FIG4: variants seen among roughly 807,000 people sequenced by gnomAD.
FIG4 encodes the protein polyphosphoinositide phosphatase.
FIG4 carries 112 observed loss-of-function variants against 118.6 expected under a neutral mutation model. The ratio of observed to expected loss-of-function variants is 0.94; its 90% CI spans 0.81 to 1.11. FIG4 has a LOEUF of 1.11. FIG4 is among the 50% of genes least tolerant of loss of function. The pLI, the probability that FIG4 is intolerant of heterozygous loss-of-function variation, is 0.00. For missense variants in FIG4, 969 were observed against 1,111.7 expected (o/e 0.87, Z 1.83); for synonymous variants, 369 against 381.2 (o/e 0.97, Z 0.37).
intron 1 of FIG4, among the ~76,000 whole-genome samples, chr6:109,692,319 T>G (rs969052963): frequency 2.6e-5 from 4 of 152,236 alleles, no homozygotes; most frequent in Non-Finnish European, 5.9e-5. Flanking sequence ...GCTAACAAGA[T>G]TGCATATGCC....
chr6:109,713,042 C>G (rs1161095613), intron 1 of FIG4, among the ~76,000 whole-genome samples: 1 of 152,178 alleles, frequency 6.6e-6, no homozygotes. Flanking sequence ...TGCTCTAACT[C>G]TGGAATACTC....
chr6:109,799,327 A>G (rs1381914568), intron 22 of FIG4, among the ~76,000 whole-genome samples: 1 of 152,224 alleles, frequency 6.6e-6, no homozygotes, highest in Non-Finnish European at 1.5e-5. Flanking sequence ...TTACATTGTC[A>G]TGGCAACTGC....
chr6:109,821,680 T>G (rs886648136), intron 22 of FIG4, among the ~76,000 whole-genome samples: 1 of 152,270 alleles, frequency 6.6e-6, no homozygotes, highest in South Asian at 2.1e-4. Flanking sequence ...ACCCTCCTGA[T>G]GAAGCAATAC....
intron 18 of FIG4, among the ~76,000 whole-genome samples, chr6:109,787,186 G>A (rs1445806378): frequency 6.6e-6 from 1 of 151,980 alleles, no homozygotes; most frequent in Non-Finnish European, 1.5e-5. Flanking sequence ...AGAATTTGAT[G>A]GGACCCTTTA....
chr6:109,814,144 G>A (rs193084193), intron 22 of FIG4, among the ~76,000 whole-genome samples: 134 of 152,160 alleles, frequency 8.8e-4, no homozygotes, highest in African/African-American at 3.1e-3. Context: ...TGCCATTACT[G>A]ATGATGTTTA....
chr6:109,809,970 C>G (rs756008494), intron 22 of FIG4, among the ~76,000 whole-genome samples: 25 of 152,020 alleles, frequency 1.6e-4, no homozygotes, highest in Non-Finnish European at 2.6e-4. Context: ...ATCTTCAGAC[C>G]AGTAGGAAGA....
In FIG4 at chr6:109,791,410, C is replaced by A. The variant is rs773877685; in HGVS notation, c.2215C>A (p.Arg739=). 1.3e-5 allele frequency: 21 copies of A among 1,613,330 alleles called. No homozygotes were observed. The highest frequency in any genetic ancestry group is 1.6e-4 in the Middle Eastern group (1 of 6,082). The part of the protein sequence containing the change: ...KSNREEAVLQ[R]KTAASAPPPP... ...CAATAGAGAAGAAGCTGTATTACAG[C>A]GGAAAACGGCAGCCAGCGCCCCGCC... Residue 739 remains arginine (R), a synonymous_variant, in exon 20 of 23, where the codon CGG becomes AGG. Transcript: ENST00000230124.
intron 21 of FIG4, among the ~76,000 whole-genome samples, chr6:109,795,853 G>C (rs528898599): frequency 6.6e-6 from 1 of 151,936 alleles, no homozygotes; most frequent in Admixed American, 6.6e-5. Context: ...CGCCTGCCTC[G>C]GCCTCCCAAA....
chr6:109,765,454 G>A (rs575764758), intron 14 of FIG4, among the ~76,000 whole-genome samples: 2 of 152,114 alleles, frequency 1.3e-5, no homozygotes, highest in Non-Finnish European at 1.5e-5. Flanking sequence ...GCACCCATTT[G>A]TTGAAGAGGG....
chr6:109,771,528 G>T (rs1176686460), intron 15 of FIG4, among the ~76,000 whole-genome samples: 6 of 137,256 alleles, frequency 4.4e-5, no homozygotes, highest in Non-Finnish European at 9.1e-5. Context: ...GAGTGCAGTG[G>T]CACTATCTCG....
chr6:109,697,205 T>G (rs1366265722), intron 1 of FIG4, among the ~76,000 whole-genome samples: 1 of 143,756 alleles, frequency 7.0e-6, no homozygotes. Flanking sequence ...GAGCTTGCAG[T>G]GAGCCGAGAT....
rs769932772 is a variant in FIG4 at position 109,743,203 on chromosome 6, G to C, written c.970G>C (p.Val324Leu). ...AGGAAGTTATTCTTCATATGTACAA[G>C]TTAGAGGATCTGTGCCCTTATACTG... ...TAGSYSSYVQ[V>L]RGSVPLYWSQ... Residue 324 changes from valine (V) to leucine (L), a missense_variant, in exon 9 of 23, where the codon GTT becomes CTT. Coordinates refer to ENST00000230124, the MANE Select transcript of FIG4 (RefSeq NM_014845.6). 1.2e-6 allele frequency: 2 copies of C among 1,613,040 alleles called. No homozygotes were observed. Among genetic ancestry groups the C allele is most frequent in the Non-Finnish European group, 1.7e-6 (2 of 1,179,300 alleles).
intron 1 of FIG4, among the ~76,000 whole-genome samples, chr6:109,703,206 T>G (rs1475611951): frequency 6.6e-6 from 1 of 152,198 alleles, no homozygotes; most frequent in Admixed American, 6.5e-5. Flanking sequence ...TCCTTTAGAG[T>G]TTTGAAGGCC....
intron 22 of FIG4, among the ~76,000 whole-genome samples, chr6:109,813,978 C>G (rs1778790381): frequency 1.3e-5 from 2 of 152,166 alleles, no homozygotes; most frequent in South Asian, 4.1e-4. Flanking sequence ...GGAACCAGAA[C>G]CACTAAACTA....
chr6:109,730,593 A>T (rs985878154), intron 4 of FIG4, among the ~76,000 whole-genome samples: 5 of 152,204 alleles, frequency 3.3e-5, no homozygotes, highest in Admixed American at 1.3e-4. Flanking sequence ...GATGGGGGTC[A>T]ATGAACAGTG....
chr6:109,797,724 G>C (rs544612640), intron 22 of FIG4, among the ~76,000 whole-genome samples: 1 of 151,732 alleles, frequency 6.6e-6, no homozygotes, highest in African/African-American at 2.4e-5. Flanking sequence ...CATGAAACCC[G>C]GTGGCCACTT....
intron 10 of FIG4, among the ~76,000 whole-genome samples, chr6:109,746,682 A>G (rs901605422): frequency 1.3e-5 from 2 of 152,154 alleles, no homozygotes; most frequent in Non-Finnish European, 2.9e-5. Context: ...AGAGTAATGG[A>G]AAGTCATTAA....
intron 22 of FIG4, among the ~76,000 whole-genome samples, chr6:109,815,011 ATAT>A (rs765038987): frequency 2.6e-5 from 4 of 151,760 alleles, no homozygotes; most frequent in Non-Finnish European, 4.4e-5. Flanking sequence ...TCTATTTTAT[ATAT>A]TATATCAAAT....
chr6:109,787,781 T>G (rs1003680438), intron 18 of FIG4, among the ~76,000 whole-genome samples: 1 of 152,158 alleles, frequency 6.6e-6, no homozygotes, highest in Non-Finnish European at 1.5e-5. Context: ...GACCATTGCT[T>G]CTAAGGGAAA....
Sources: allele counts gnomAD v4.1 joint callset (sites outside exome capture counted in the v4.1 genomes callset), GRCh38; gene constraint gnomAD v4.1.1; transcripts MANE v1.5; gene names NCBI Gene and HGNC (gene_info 2026-07-23, HGNC 2026-07-21).